The following ANO6 variants were observed in gnomAD, a reference collection of about 807,000 sequenced individuals.
The protein encoded by ANO6 is anoctamin 6.
In ANO6, 106 loss-of-function variants were observed where a neutral mutation model predicts 117.5. That is an observed-to-expected ratio of 0.90 (90% CI 0.77 to 1.06). ANO6 has a LOEUF of 1.06. Ranked by LOEUF, ANO6 falls within the 50% of genes least tolerant of loss-of-function variation. ANO6 has a pLI of 0.00. For synonymous variants in ANO6, 367 were observed against 385.1 expected, an observed-to-expected ratio of 0.95 and a Z score of 0.55; for missense variants, 955 against 1,121.1, an observed-to-expected ratio of 0.85 and a Z score of 2.12.
intron 7 of ANO6, among the ~76,000 whole-genome samples, chr12:45,352,923 T>C (rs1941319380): frequency 6.6e-6 from 1 of 151,920 alleles, no homozygotes; most frequent in African/African-American, 2.4e-5. Context: ...TTGCTCTTGT[T>C]GAAAGAATGC....
rs763252734 is a variant in ANO6, at chr12:45,357,397, A to G, written c.971A>G (p.Tyr324Cys). ...VVGVACFLYG[Y>C]LNQDNCTWSK... ...GGAGTGGCTTGCTTTCTCTATGGAT[A>G]TCTTAATCAAGATAACTGTACATGG... Residue 324 changes from tyrosine to cysteine, a missense_variant, in exon 8 of 20, where the codon TAT becomes TGT. Physicochemically the swap from Tyr to Cys is radical, Grantham distance 194. Transcript: ENST00000320560. 6.2e-7 allele frequency: 1 copy of G among 1,613,840 alleles called. No individual in the cohort carries two copies. The highest frequency in any genetic ancestry group is 8.5e-7 in the Non-Finnish European group (1 of 1,179,990).
intron 8 of ANO6, among the ~76,000 whole-genome samples, chr12:45,361,119 G>C (rs58674935): frequency 0.081 from 12,248 of 152,066 alleles, 789 homozygotes; most frequent in African/African-American, 0.17. Context: ...TGATTCCATA[G>C]GTCAGTTTGG....
chr12:45,302,192 C>A, intron 2 of ANO6, 99 bp downstream of exon 2: 1 of 1,023,120 alleles, frequency 9.8e-7, no homozygotes, highest in Non-Finnish European at 1.5e-6. Flanking sequence ...CCTTCAATGG[C>A]TGTAGATCCT....
intron 7 of ANO6, among the ~76,000 whole-genome samples, chr12:45,354,148 C>T (rs1022742184): frequency 1.3e-5 from 2 of 151,606 alleles, no homozygotes; most frequent in Admixed American, 1.3e-4. Context: ...AGTACCCAGC[C>T]TAGAGGATGA....
chr12:45,407,835 T>G (rs1324744472), intron 15 of ANO6, among the ~76,000 whole-genome samples: 3 of 152,190 alleles, frequency 2.0e-5, no homozygotes, highest in African/African-American at 7.2e-5. Flanking sequence ...CCCGTTTTAT[T>G]TTTTTACCAA....
intron 7 of ANO6, among the ~76,000 whole-genome samples, chr12:45,353,853 T>A (rs1941343870): frequency 1.4e-5 from 2 of 146,110 alleles, no homozygotes; most frequent in Non-Finnish European, 1.5e-5. Flanking sequence ...GAATAAAATC[T>A]AGCTCTTGGA....
chr12:45,357,746 C>G (rs1009657245), intron 8 of ANO6, among the ~76,000 whole-genome samples: 1 of 152,188 alleles, frequency 6.6e-6, no homozygotes, highest in Non-Finnish European at 1.5e-5. Flanking sequence ...GGAATGTACA[C>G]TCAGCCCTGC....
intron 12 of ANO6, among the ~76,000 whole-genome samples, chr12:45,393,734 C>A (rs1014458829): frequency 6.6e-6 from 1 of 152,136 alleles, no homozygotes; most frequent in Non-Finnish European, 1.5e-5. Context: ...AATTTCATAT[C>A]CAGCCAAACT....
intron 2 of ANO6, among the ~76,000 whole-genome samples, chr12:45,302,552 AG>A (rs1441730778): frequency 6.6e-6 from 1 of 152,148 alleles, no homozygotes; most frequent in Admixed American, 6.5e-5. Flanking sequence ...TTGTAGGGCT[AG>A]GAATATTCTG....
At position 45,396,701 on chromosome 12, in the gene ANO6, C is replaced by G. The variant is rs558880503; in HGVS notation, c.1387-5094C>G. Among the ~76,000 whole-genome samples, 7 of 152,318 alleles carry G rather than the reference C, an allele frequency of 4.6e-5. No individual in the cohort carries two copies. The East Asian group carries it at 1.3e-3, about 29-fold the overall frequency. ...CACCACACATCTACAACCATTTGAT[C>G]TTTGACAGACCTGACAAAAACAAGC... On this transcript the variant is annotated intron_variant, in intron 12 of 19. Transcript: ENST00000320560.
At chr12:45,371,411 C>G (rs921166681) in intron 9 of ANO6, among the ~76,000 whole-genome samples, 2 of 152,190 alleles carry the variant, frequency 1.3e-5, no homozygotes, top group African/African-American at 4.8e-5. Flanking sequence ...GGGGGCAGGG[C>G]ACAGACAAAC....
intron 3 of ANO6, among the ~76,000 whole-genome samples, chr12:45,337,587 G>C (rs1180965799): frequency 3.9e-5 from 6 of 152,070 alleles, no homozygotes; most frequent in Admixed American, 3.9e-4. Context: ...CATATTGAGT[G>C]TAAAAAAAGT....
At chr12:45,378,796 A>G (rs1252027235) in intron 10 of ANO6, among the ~76,000 whole-genome samples, 2 of 152,140 alleles carry the variant, frequency 1.3e-5, no homozygotes, top group Non-Finnish European at 2.9e-5. Context: ...AAGCAGCAAC[A>G]CAGTGATTAT....
intron 1 of ANO6, among the ~76,000 whole-genome samples, chr12:45,261,671 C>G (rs1007246415): frequency 6.6e-6 from 1 of 152,208 alleles, no homozygotes; most frequent in Non-Finnish European, 1.5e-5. Flanking sequence ...ATTTGGATGT[C>G]TCAGTCTCTT....
At chr12:45,282,627 A>G (rs1938777895) in intron 1 of ANO6, among the ~76,000 whole-genome samples, 1 of 152,224 alleles carries the variant, frequency 6.6e-6, no homozygotes, top group African/African-American at 2.4e-5. Context: ...TCCATGGTAG[A>G]GGAGTGCCAG....
At chr12:45,273,712 C>T (rs76186361) in intron 1 of ANO6, among the ~76,000 whole-genome samples, 3,140 of 152,314 alleles carry the variant, frequency 0.021, 60 homozygotes, top group East Asian at 0.085. Flanking sequence ...TTCCTATTTA[C>T]GCCTCCCCAT....
At chr12:45,416,971 C>A in intron 17 of ANO6, 67 bp downstream of exon 17, 1 of 1,507,650 alleles carries the variant, frequency 6.6e-7, no homozygotes, top group Non-Finnish European at 9.2e-7. Context: ...CCTAAGGAAT[C>A]AAATGTTTAG....
At chr12:45,401,268 C>T (rs1415790699) in intron 12 of ANO6, among the ~76,000 whole-genome samples, 2 of 152,224 alleles carry the variant, frequency 1.3e-5, no homozygotes, top group Non-Finnish European at 2.9e-5. Context: ...CACCTGCTGA[C>T]ACTTCAATTG....
At chr12:45,367,617 G>A (rs531201018) in intron 8 of ANO6, 71 bp from the exon 9 acceptor site, 47 of 1,227,824 alleles carry the variant, frequency 3.8e-5, no homozygotes, top group Admixed American at 5.5e-5. Flanking sequence ...GTTTCTTATT[G>A]TGAATGGATA....
Sources: gnomAD v4.1 joint callset for allele counts (sites outside exome capture counted in the v4.1 genomes callset) on GRCh38, gnomAD v4.1.1 for gene constraint, MANE v1.5 for transcripts, NCBI Gene and HGNC (gene_info 2026-07-23, HGNC 2026-07-21) for gene names.